PDE11A: variants seen among roughly 807,000 people sequenced by gnomAD.
PDE11A encodes the protein phosphodiesterase 11A, also known as dual 3',5'-cyclic-AMP and -GMP phosphodiesterase 11A.
A neutral mutation model predicts 100.5 loss-of-function variants in PDE11A; 100 were observed. The observed-to-expected ratio is 1.00, with a 90% CI of 0.85 to 1.18. The LOEUF is 1.18. Among genes scored for constraint, PDE11A ranks in the 50% most tolerant of loss-of-function variants. The pLI, the probability that PDE11A is intolerant of heterozygous loss-of-function variation, is 0.00. For synonymous variants in PDE11A, 381 were observed against 420.8 expected (o/e 0.91, Z 1.16); for missense variants, 1,141 against 1,152.6 (o/e 0.99, Z 0.15).
intron 6 of PDE11A, among the ~76,000 whole-genome samples, chr2:177,831,681 G>A (rs1278587428): frequency 2.6e-5 from 4 of 152,130 alleles, no homozygotes; most frequent in African/African-American, 7.2e-5. Flanking sequence ...AGTTGCTGCT[G>A]AAATATTTCA....
At chr2:177,827,443 C>T (rs1390793665) in intron 6 of PDE11A, among the ~76,000 whole-genome samples, 3 of 152,190 alleles carry the variant, frequency 2.0e-5, no homozygotes, top group Non-Finnish European at 4.4e-5. Context: ...TTCTGACATT[C>T]CCTTTGCTGA....
intron 4 of PDE11A, among the ~76,000 whole-genome samples, chr2:177,877,986 G>T (rs1179546056): frequency 1.5e-5 from 2 of 134,394 alleles, no homozygotes; most frequent in African/African-American, 6.3e-5. Flanking sequence ...TTGGAAAATA[G>T]GAATAGATTA....
At chr2:177,791,037 G>T (rs2082623069) in intron 9 of PDE11A, among the ~76,000 whole-genome samples, 1 of 152,112 alleles carries the variant, frequency 6.6e-6, no homozygotes, top group African/African-American at 2.4e-5. Flanking sequence ...CCATTACTGG[G>T]TATATACCCC....
intron 13 of PDE11A, among the ~76,000 whole-genome samples, chr2:177,711,024 T>G (rs987861060): frequency 6.6e-6 from 1 of 152,222 alleles, no homozygotes. Flanking sequence ...AAAGAAACAT[T>G]AACGGCAGAC....
At chr2:178,038,872 G>C (rs2086648919) in intron 1 of PDE11A, 1 of 152,172 alleles carries the variant, frequency 6.6e-6, no homozygotes, top group Non-Finnish European at 1.5e-5. Context: ...GGAACAAGAA[G>C]AACACTGAAT....
At chr2:178,024,613 TCA>T (rs2086456395) in intron 1 of PDE11A, among the ~76,000 whole-genome samples, 1 of 152,182 alleles carries the variant, frequency 6.6e-6, no homozygotes, top group South Asian at 2.1e-4. Context: ...GAGAAAAAGT[TCA>T]GTCTCATATT....
chr2:178,072,738 T>G lies in PDE11A; in HGVS notation c.-301A>C. 5.2e-6 allele frequency: 7 copies of G among 1,338,312 alleles called. No homozygotes were observed. The highest frequency in any genetic ancestry group is 6.7e-6 in the Non-Finnish European group (7 of 1,039,834). 82.9% of individuals were successfully genotyped at this position (1,338,312 alleles called of 1,614,324 possible). A position where few individuals can be genotyped will look rare whatever the true frequency, so the allele number is the denominator to read the frequency against. ...AAACCCGAGCTATCGCTGCTCCTGT[T>G]CTGGCTGCCGCCGCTGCTGCTGGAA... On this transcript the variant is annotated 5_prime_UTR_variant, in exon 1 of 20. Transcript: ENST00000286063.
intron 15 of PDE11A, chr2:177,687,379 T>C (rs1215156931): frequency 6.6e-6 from 1 of 152,200 alleles, no homozygotes; most frequent in African/African-American, 2.4e-5. Flanking sequence ...AAATTTTGTA[T>C]AATATTGCTC....
At chr2:177,732,125 C>T (rs2081701145) in intron 10 of PDE11A, among the ~76,000 whole-genome samples, 1 of 152,180 alleles carries the variant, frequency 6.6e-6, no homozygotes, top group Non-Finnish European at 1.5e-5. Context: ...TCTATGTGCA[C>T]ACCTGGCTGC....
chr2:177,956,545 C>G (rs2085565423), intron 2 of PDE11A, among the ~76,000 whole-genome samples: 1 of 152,176 alleles, frequency 6.6e-6, no homozygotes, highest in African/African-American at 2.4e-5. Flanking sequence ...TTTGACCCAG[C>G]CATCCCATTA....
intron 2 of PDE11A, among the ~76,000 whole-genome samples, chr2:177,917,671 A>G (rs759294770): frequency 1.3e-5 from 2 of 152,240 alleles, no homozygotes; most frequent in Admixed American, 1.3e-4. Flanking sequence ...ACTGTGGCTT[A>G]GCATTTTACA....
intron 2 of PDE11A, among the ~76,000 whole-genome samples, chr2:178,078,026 T>C (rs1253053829): frequency 6.6e-6 from 1 of 152,122 alleles, no homozygotes; most frequent in Non-Finnish European, 1.5e-5. Flanking sequence ...TCACCATGTT[T>C]GTGGTAATGT....
intron 19 of PDE11A, among the ~76,000 whole-genome samples, chr2:177,658,474 C>T (rs1216930462): frequency 1.3e-5 from 2 of 151,330 alleles, no homozygotes; most frequent in Non-Finnish European, 2.9e-5. Context: ...TCTGCCTCTC[C>T]TCCCTTCCCC....
In PDE11A at chr2:177,627,709, G is replaced by A. The variant is rs897441162; in HGVS notation, c.*1698C>T. 3.3e-5 allele frequency: 5 copies of A among 152,148 alleles called. No homozygotes were observed. Among genetic ancestry groups the A allele is most frequent in the African/African-American group, 7.2e-5 (3 of 41,418 alleles). The allele number at this position is 152,148 out of a possible 1,614,324, so 9.4% of individuals were successfully genotyped here. A position where few individuals can be genotyped will look rare whatever the true frequency, so the allele number is the denominator to read the frequency against. On this transcript the variant is annotated 3_prime_UTR_variant, in exon 20 of 20. Transcript: ENST00000286063. ...AAAAGTACAAAAATTAGCCAGGCGT[G>A]GTGGCAGGCACCTGTAATCCCAGCT...
intron 1 of PDE11A, among the ~76,000 whole-genome samples, chr2:178,021,595 A>G (rs1001788001): frequency 1.3e-5 from 2 of 152,218 alleles, no homozygotes; most frequent in South Asian, 2.1e-4. Flanking sequence ...AAGTTTAATA[A>G]TAGATGAAAT....
At chr2:177,715,563 G>C (rs1032475025) in intron 12 of PDE11A, among the ~76,000 whole-genome samples, 14 of 151,426 alleles carry the variant, frequency 9.2e-5, no homozygotes, top group African/African-American at 3.4e-4. Context: ...TTCTGGTACT[G>C]ATTTTCTTAT....
At chr2:177,818,697 A>G (rs752031537) in intron 7 of PDE11A, among the ~76,000 whole-genome samples, 1 of 152,128 alleles carries the variant, frequency 6.6e-6, no homozygotes, top group African/African-American at 2.4e-5. Flanking sequence ...CAGGGGGTAC[A>G]TATAGTTCTA....
chr2:177,921,256 A>AT (rs2085040211), intron 2 of PDE11A, among the ~76,000 whole-genome samples: 2 of 151,742 alleles, frequency 1.3e-5, no homozygotes, highest in South Asian at 4.2e-4. Context: ...TGTAACTATA[A>AT]ATTTTAATAT....
intron 1 of PDE11A, chr2:178,105,858 CAA>C (rs35828567): frequency 9.1e-3 from 2,442 of 267,022 alleles, no homozygotes; most frequent in East Asian, 0.019. Context: ...GGTTTCTGTC[CAA>C]AAAAAAAAAA....
Sources: gnomAD v4.1 joint callset for allele counts (sites outside exome capture counted in the v4.1 genomes callset) on GRCh38, gnomAD v4.1.1 for gene constraint, MANE v1.5 for transcripts, NCBI Gene and HGNC (gene_info 2026-07-23, HGNC 2026-07-21) for gene names.